Variants in PIK3CG observed in about 807,000 individuals in gnomAD.
The protein encoded by PIK3CG is phosphatidylinositol-4,5-bisphosphate 3-kinase catalytic subunit gamma.
Under a neutral mutation model 102.3 loss-of-function variants are expected in PIK3CG, and 55 were observed. That is an observed-to-expected ratio of 0.54 (90% CI 0.43 to 0.67). PIK3CG has a LOEUF of 0.67. Ranked by LOEUF, PIK3CG falls within the 30% of genes least tolerant of loss-of-function variation. The pLI is 0.00. For missense variants in PIK3CG, 1,258 were observed against 1,391.8 expected (o/e 0.90, Z 1.53); for synonymous variants, 552 against 540.0 (o/e 1.02, Z -0.31).
Position 106,867,867 on chromosome 7 carries a change from G to A in PIK3CG, c.306G>A (p.Lys102=), listed in dbSNP as rs149117154. The A allele has an allele frequency of 3.5e-5, 56 of 1,612,880 alleles. No individual in the cohort carries two copies. The African/African-American group carries it at 5.3e-4, about 15-fold the overall frequency. ...ATCACTTCCTCCTGCTCTATCAGAA[G>A]AAGGGGCAGTGGTACGAGATCTACG... ...GPHHFLLLYQ[K]KGQWYEIYDK... The change falls in exon 2 of 11, where the codon AAG becomes AAA. Residue 102 remains lysine, a synonymous_variant. Coordinates refer to ENST00000496166, the MANE Select transcript of PIK3CG (RefSeq NM_001282426.2). This position sits in a 1 kb window ranked among gnomAD's most constrained non-coding sequence, Gnocchi z 5.1.
Position 106,892,217 on chromosome 7 carries a change from C to T in PIK3CG, c.3030+5925C>T, listed in dbSNP as rs986054994. On this transcript the variant is annotated intron_variant, in intron 10 of 10. Coordinates refer to ENST00000496166, the MANE Select transcript of PIK3CG (RefSeq NM_001282426.2). This position sits in a 1 kb window ranked among gnomAD's most constrained non-coding sequence, Gnocchi z 5.2. ...GCTGCAGCCATCTCAGCATCATTTC[C>T]GGTCACTATTCTCTACCTCCCCTTC... 3.3e-5 allele frequency among the ~76,000 whole-genome samples: 5 copies of T among 152,066 alleles called. No individual in the cohort carries two copies. The highest frequency in any genetic ancestry group is 2.1e-4 in the South Asian group (1 of 4,808).
rs849370 is a variant in PIK3CG, at chr7:106,879,498, T to C, written c.2392-21T>C. On this transcript the variant is annotated intron_variant, in intron 5 of 10. Transcript: ENST00000496166. This position sits in a 1 kb window ranked among gnomAD's most constrained non-coding sequence, Gnocchi z 4.9. The stretch of plus-strand genomic sequence containing the variant: ...TTCGTTATTCATTGTGTGTGGGGAA[T>C]ATGTGACTGCTTCCTTACAGATTGA... The C allele has an allele frequency of 0.95, 1,516,774 of 1,603,040 alleles. 718,082 individuals carry two copies. The highest frequency in any genetic ancestry group is 1 in the East Asian group (44,752 of 44,812).
chr7:106,898,006 A>G (rs1471082101), intron 10 of PIK3CG, among the ~76,000 whole-genome samples: 3 of 152,232 alleles, frequency 2.0e-5, no homozygotes, highest in Non-Finnish European at 4.4e-5. Flanking sequence ...CCAACAATGT[A>G]TAAGTGTTCC....
chr7:106,868,135 G>C lies in PIK3CG; in HGVS notation c.574G>C (p.Asp192His), dbSNP rs796052174. 8 of 1,611,746 alleles carry C rather than the reference G, an allele frequency of 5.0e-6. No homozygotes were observed. The highest frequency in any genetic ancestry group is 6.8e-6 in the Non-Finnish European group (8 of 1,179,286). The part of the protein sequence containing the change: ...TPRMAEVASR[D>H]PKLYAMHPWV... ...GCGCATGGCGGAGGTGGCCAGCCGC[G>C]ACCCCAAGCTCTACGCCATGCACCC... The change falls in exon 2 of 11, where the codon GAC becomes CAC. Residue 192 changes from aspartate (D) to histidine (H), a missense_variant. Around this residue, in one of 2 missense-constraint regions of PIK3CG, gnomAD observed 832 missense variants for 787.5 expected, o/e 1.06. Transcript: ENST00000496166. This position sits in a 1 kb window ranked among gnomAD's most constrained non-coding sequence, Gnocchi z 6.2.
Position 106,879,488 on chromosome 7 carries a change from G to A in PIK3CG, c.2392-31G>A, listed in dbSNP as rs780523898. 4.4e-6 allele frequency: 7 copies of A among 1,585,570 alleles called. No individual in the cohort carries two copies. The highest frequency in any genetic ancestry group is 6.1e-6 in the Non-Finnish European group (7 of 1,154,370). On this transcript the variant is annotated intron_variant, in intron 5 of 10. Transcript: ENST00000496166. The surrounding 1 kb of genome is among the most constrained non-coding windows in gnomAD (Gnocchi z 4.9). The stretch of plus-strand genomic sequence containing the variant: ...ACCATGTATATTCGTTATTCATTGT[G>A]TGTGGGGAATATGTGACTGCTTCCT...
In PIK3CG at chr7:106,908,046, A is replaced by T. The variant is rs1791735980; in HGVS notation, c.*2659A>T. On this transcript the variant is annotated 3_prime_UTR_variant, in exon 11 of 11. Transcript: ENST00000496166. The surrounding 1 kb of genome is among the most constrained non-coding windows in gnomAD (Gnocchi z 4.1). ...CATCCTGCTACTGGGAACTACCCAC[A>T]GCTCTATCTTCAATGCCAGGTGAAA... Among the ~76,000 whole-genome samples the T allele has an allele frequency of 6.6e-6, 1 of 152,176 alleles. No homozygotes were observed. Among genetic ancestry groups the T allele is most frequent in the South Asian group, 2.1e-4 (1 of 4,834 alleles).
rs377696425 is a variant in PIK3CG, at chr7:106,905,234, G to A, written c.3156G>A (p.Arg1052=). 82 of 1,613,998 alleles carry A rather than the reference G, an allele frequency of 5.1e-5. No homozygotes were observed. Among genetic ancestry groups the A allele is most frequent in the Non-Finnish European group, 6.8e-5 (80 of 1,180,008 alleles). Reference sequence around the variant, plus strand: ...GCAAAGAAGACATTGAATATATCCGGGATGCCCTCACAGTGGGGAAAAATG... The same window carrying A: ...GCAAAGAAGACATTGAATATATCCGAGATGCCCTCACAGTGGGGAAAAATG... ...LTSKEDIEYI[R]DALTVGKNEE... is the part of the protein sequence containing the mutation. Residue 1052 remains arginine (R), a synonymous_variant, in exon 11 of 11, where the codon CGG becomes CGA. Coordinates refer to ENST00000496166, the MANE Select transcript of PIK3CG (RefSeq NM_001282426.2). This position sits in a 1 kb window ranked among gnomAD's most constrained non-coding sequence, Gnocchi z 5.6.
chr7:106,879,643 G>T lies in PIK3CG; in HGVS notation c.2516G>T (p.Arg839Leu), dbSNP rs1484305297. The T allele has an allele frequency of 1.2e-6, 2 of 1,611,948 alleles. No individual in the cohort carries two copies. The highest frequency in any genetic ancestry group is 2.2e-5 in the East Asian group (1 of 44,848). ...GIIFKHGDDLRQDMLILQILR... is the reference protein window; with the variant it reads ...GIIFKHGDDLLQDMLILQILR... ...ATCTTTAAACATGGTGATGATCTGC[G>T]CCAAGACATGCTTATTTTACAGGTA... is the stretch of plus-strand genomic sequence containing the variant. The change falls in exon 6 of 11, where the codon CGC becomes CTC. Residue 839 changes from arginine (R) to leucine (L), a missense_variant. Transcript: ENST00000496166. The surrounding 1 kb of genome is among the most constrained non-coding windows in gnomAD (Gnocchi z 4.9).
chr7:106,866,598 G>A (rs920037849), intron 1 of PIK3CG, among the ~76,000 whole-genome samples: 2 of 152,186 alleles, frequency 1.3e-5, no homozygotes, highest in African/African-American at 4.8e-5. Context: ...CCATTATTAA[G>A]TAGAGACAGA....
In PIK3CG at chr7:106,867,909, G is replaced by A. The variant is rs2116425339; in HGVS notation, c.348G>A (p.Val116=). ...WYEIYDKYQV[V]QTLDCLRYWK... is the part of the protein sequence containing the mutation. ...AGATCTACGACAAGTACCAGGTGGT[G>A]CAGACTCTGGACTGCCTGCGCTACT... The change falls in exon 2 of 11, where the codon GTG becomes GTA. Residue 116 remains valine (V), a synonymous_variant. Transcript: ENST00000496166. The surrounding 1 kb of genome is among the most constrained non-coding windows in gnomAD (Gnocchi z 5.1). The A allele has an allele frequency of 6.2e-7, 1 of 1,613,272 alleles. No individual in the cohort carries two copies. Among genetic ancestry groups the A allele is most frequent in the Non-Finnish European group, 8.5e-7 (1 of 1,179,976 alleles).
Position 106,867,883 on chromosome 7 carries a change from G to A in PIK3CG, c.322G>A (p.Glu108Lys), listed in dbSNP as rs769318398. 71 of 1,613,134 alleles carry A rather than the reference G, an allele frequency of 4.4e-5. No homozygotes were observed. The highest frequency in any genetic ancestry group is 5.9e-5 in the Non-Finnish European group (70 of 1,179,964). Reference sequence around the variant, plus strand: ...CTATCAGAAGAAGGGGCAGTGGTACGAGATCTACGACAAGTACCAGGTGGT... The same window carrying A: ...CTATCAGAAGAAGGGGCAGTGGTACAAGATCTACGACAAGTACCAGGTGGT... ...LLYQKKGQWY[E>K]IYDKYQVVQT... is the part of the protein sequence containing the mutation. The change falls in exon 2 of 11, where the codon GAG (glutamate) becomes AAG (lysine). Residue 108 changes from glutamate to lysine, a missense_variant. Around this residue, in one of 2 missense-constraint regions of PIK3CG, gnomAD observed 832 missense variants for 787.5 expected, o/e 1.06. Coordinates refer to ENST00000496166, the MANE Select transcript of PIK3CG (RefSeq NM_001282426.2). The surrounding 1 kb of genome is among the most constrained non-coding windows in gnomAD (Gnocchi z 5.1).
In PIK3CG at chr7:106,868,598, A is replaced by G. The variant is rs2116444683; in HGVS notation, c.1037A>G (p.His346Arg). Reference protein sequence around the residue: ...HEQLTIHGKDHESVFTVSLWD... With the variant: ...HEQLTIHGKDRESVFTVSLWD... ...CAGCTTACCATCCACGGCAAGGACCACGAGAGTGTGTTCACCGTGTCCCTG... is the reference window on the plus strand; with the variant it reads ...CAGCTTACCATCCACGGCAAGGACCGCGAGAGTGTGTTCACCGTGTCCCTG... Residue 346 changes from histidine to arginine, a missense_variant, in exon 2 of 11, where the codon CAC becomes CGC. Physicochemically the swap from His to Arg is conservative, Grantham distance 29. Coordinates refer to ENST00000496166, the MANE Select transcript of PIK3CG (RefSeq NM_001282426.2). The surrounding 1 kb of genome is among the most constrained non-coding windows in gnomAD (Gnocchi z 6.2). 3 of 1,614,214 alleles carry G rather than the reference A, an allele frequency of 1.9e-6. No homozygotes were observed. Among genetic ancestry groups the G allele is most frequent in the Non-Finnish European group, 2.5e-6 (3 of 1,180,046 alleles).
chr7:106,877,229 A>G lies in PIK3CG; in HGVS notation c.2392-2290A>G, dbSNP rs1178519458. Among the ~76,000 whole-genome samples the G allele has an allele frequency of 6.6e-6, 1 of 152,160 alleles. No homozygotes were observed. Among genetic ancestry groups the G allele is most frequent in the Non-Finnish European group, 1.5e-5 (1 of 68,010 alleles). On this transcript the variant is annotated intron_variant, in intron 5 of 10. Transcript: ENST00000496166. This position sits in a 1 kb window ranked among gnomAD's most constrained non-coding sequence, Gnocchi z 4.5. ...AATGAAAAAGAAATCTATCTAATCC[A>G]GTGCCTCAGCCTGGGGTAATCCCTC... is the stretch of plus-strand genomic sequence containing the variant.
At chr7:106,882,990 A>G (rs902225110) in intron 7 of PIK3CG, 43 bp from the exon 8 acceptor site, 1 of 1,591,274 alleles carries the variant, frequency 6.3e-7, no homozygotes, top group South Asian at 1.1e-5. Context: ...TGGGCCAGGT[A>G]CTGGCCCCCA....
chr7:106,878,661 T>G (rs1365358242), intron 5 of PIK3CG, among the ~76,000 whole-genome samples: 1 of 152,144 alleles, frequency 6.6e-6, no homozygotes, highest in Non-Finnish European at 1.5e-5. Context: ...TTTTGCATAG[T>G]TTTCTAGTTG....
intron 10 of PIK3CG, among the ~76,000 whole-genome samples, chr7:106,901,744 A>G (rs913143351): frequency 5.9e-5 from 9 of 152,140 alleles, no homozygotes; most frequent in African/African-American, 1.7e-4. Flanking sequence ...TCTTTTCTGG[A>G]TGTTTTCACC....
chr7:106,898,957 G>A (rs531802490), intron 10 of PIK3CG, among the ~76,000 whole-genome samples: 3 of 152,184 alleles, frequency 2.0e-5, no homozygotes, highest in South Asian at 4.1e-4. Context: ...CCTTTGGGCA[G>A]TATAGCCATT....
Position 106,880,655 on chromosome 7 carries a change from C to T in PIK3CG, c.2538+990C>T, listed in dbSNP as rs1239158882. ...CATTTTGAGTGAAAGTTTGCCTTTGCCCTTTATGTACTTTGTGGTTTTGTT... is the reference window on the plus strand; with the variant it reads ...CATTTTGAGTGAAAGTTTGCCTTTGTCCTTTATGTACTTTGTGGTTTTGTT... On this transcript the variant is annotated intron_variant, in intron 6 of 10. Transcript: ENST00000496166. This position sits in a 1 kb window ranked among gnomAD's most constrained non-coding sequence, Gnocchi z 4.2. Among the ~76,000 whole-genome samples the T allele has an allele frequency of 6.6e-6, 1 of 151,994 alleles. No homozygotes were observed. Among genetic ancestry groups the T allele is most frequent in the African/African-American group, 2.4e-5 (1 of 41,362 alleles).
rs1322879316 is a variant in PIK3CG at position 106,899,596 on chromosome 7, G to C, written c.3031-5513G>C. On this transcript the variant is annotated intron_variant, in intron 10 of 10. Coordinates refer to ENST00000496166, the MANE Select transcript of PIK3CG (RefSeq NM_001282426.2). This position sits in a 1 kb window ranked among gnomAD's most constrained non-coding sequence, Gnocchi z 4.6. ...AAAGGGTGTTGAATTTTATCGAAAG[G>C]CTTTTCTGTGTCTATGGAGATAATC... Among the ~76,000 whole-genome samples, 2 of 152,212 alleles carry C rather than the reference G, an allele frequency of 1.3e-5. No homozygotes were observed. Among genetic ancestry groups the C allele is most frequent in the South Asian group, 2.1e-4 (1 of 4,822 alleles).
Sources: allele counts gnomAD v4.1 joint callset (sites outside exome capture counted in the v4.1 genomes callset), GRCh38; gene constraint gnomAD v4.1.1; regional missense constraint gnomAD v4.1.1; non-coding constraint Gnocchi (gnomAD v3.1); transcripts MANE v1.5; gene names NCBI Gene and HGNC (gene_info 2026-07-23, HGNC 2026-07-21).